The following SOX5 variants were observed in gnomAD, a reference collection of about 807,000 sequenced individuals.
SOX5 encodes the protein SRY-box transcription factor 5, also known as transcription factor SOX-5.
A neutral mutation model predicts 92.0 loss-of-function variants in SOX5; 9 were observed. That is an observed-to-expected ratio of 0.10 (90% confidence interval 0.06 to 0.17). SOX5 has a LOEUF of 0.17. Ranked by LOEUF, SOX5 falls within the 10% of genes least tolerant of loss-of-function variation. SOX5 has a pLI of 1.00. For synonymous variants in SOX5, 344 were observed against 336.3 expected, an observed-to-expected ratio of 1.02 and a Z score of -0.25; for missense variants, 642 against 944.5, an observed-to-expected ratio of 0.68 and a Z score of 4.20.
chr12:23,606,117 T>C (rs902429563), intron 8 of SOX5, among the ~76,000 whole-genome samples: 3 of 151,992 alleles, frequency 2.0e-5, no homozygotes, highest in Non-Finnish European at 4.4e-5. Flanking sequence ...TAAAAATCTA[T>C]GCATTATATA....
intron 4 of SOX5, among the ~76,000 whole-genome samples, chr12:23,993,373 T>C (rs1258545352): frequency 6.6e-6 from 1 of 152,208 alleles, no homozygotes; most frequent in Non-Finnish European, 1.5e-5. Flanking sequence ...CATTTTGGTA[T>C]ATACCTTTCA....
At chr12:24,107,424 T>C (rs1396592793) in intron 4 of SOX5, among the ~76,000 whole-genome samples, 3 of 152,208 alleles carry the variant, frequency 2.0e-5, no homozygotes, top group African/African-American at 7.2e-5. Flanking sequence ...ATTTGTTTCA[T>C]TCAAAAAAGT....
chr12:24,400,162 G>A (rs1961168025), intron 1 of SOX5, among the ~76,000 whole-genome samples: 1 of 152,206 alleles, frequency 6.6e-6, no homozygotes, highest in African/African-American at 2.4e-5. Context: ...TAAGACTTTA[G>A]AGGAAAAATT....
intron 9 of SOX5, among the ~76,000 whole-genome samples, chr12:23,588,515 T>C (rs1055908303): frequency 2.6e-5 from 4 of 151,994 alleles, no homozygotes; most frequent in African/African-American, 9.7e-5. Context: ...ATAATAAATT[T>C]ACAGTCTGAA....
intron 1 of SOX5, among the ~76,000 whole-genome samples, chr12:23,913,076 G>A (rs1389870752): frequency 2.6e-5 from 4 of 152,172 alleles, no homozygotes; most frequent in Non-Finnish European, 5.9e-5. Context: ...AACTAGCTCA[G>A]AGATATTACC....
chr12:24,526,812 A>G (rs1462281074), intron 1 of SOX5, among the ~76,000 whole-genome samples: 4 of 151,932 alleles, frequency 2.6e-5, no homozygotes, highest in African/African-American at 9.7e-5. Context: ...TTATGAAATT[A>G]TCATATTTCT....
chr12:24,372,864 T>C (rs1313094419), intron 1 of SOX5, among the ~76,000 whole-genome samples: 1 of 149,198 alleles, frequency 6.7e-6, no homozygotes, highest in Non-Finnish European at 1.5e-5. Flanking sequence ...ACGTCTGTAA[T>C]CCCAGTACTT....
chr12:23,950,976 TGC>T (rs2139847618), upstream of SOX5: 3 of 767,860 alleles, frequency 3.9e-6, no homozygotes, highest in Non-Finnish European at 6.2e-6. Context: ...CACACACGCA[TGC>T]ACACACACAC....
intron 3 of SOX5, among the ~76,000 whole-genome samples, chr12:24,257,815 T>G (rs963447127): frequency 2.0e-5 from 3 of 152,052 alleles, no homozygotes; most frequent in Non-Finnish European, 4.4e-5. Flanking sequence ...CACAGAAGGA[T>G]CCAGTTGATG....
chr12:24,414,052 T>C (rs1964585253), intron 1 of SOX5, among the ~76,000 whole-genome samples: 1 of 152,184 alleles, frequency 6.6e-6, no homozygotes, highest in African/African-American at 2.4e-5. Flanking sequence ...TCTTCTATGA[T>C]CCAAACTGAA....
chr12:23,717,522 A>G (rs1352127270), intron 6 of SOX5, among the ~76,000 whole-genome samples: 1 of 152,194 alleles, frequency 6.6e-6, no homozygotes, highest in Non-Finnish European at 1.5e-5. Context: ...AGCATTTCTC[A>G]CCATCATGTT....
intron 1 of SOX5, among the ~76,000 whole-genome samples, chr12:24,490,390 T>C (rs1021859273): frequency 1.3e-5 from 2 of 152,178 alleles, no homozygotes; most frequent in African/African-American, 4.8e-5. Flanking sequence ...ATAGATTGCT[T>C]TTATAGTACT....
chr12:24,152,939 A>G (rs934360444), intron 4 of SOX5, among the ~76,000 whole-genome samples: 39 of 152,128 alleles, frequency 2.6e-4, no homozygotes, highest in Non-Finnish European at 2.9e-5. Flanking sequence ...TATTACAAAA[A>G]CATTCTTGAT....
intron 1 of SOX5, among the ~76,000 whole-genome samples, chr12:24,510,748 T>G (rs1181439715): frequency 6.6e-6 from 1 of 152,160 alleles, no homozygotes; most frequent in African/African-American, 2.4e-5. Context: ...ATAGGAGATC[T>G]GAAGAGAGGG....
chr12:23,879,952 C>T (rs1568574758), intron 2 of SOX5, among the ~76,000 whole-genome samples: 3 of 152,174 alleles, frequency 2.0e-5, no homozygotes, highest in South Asian at 2.1e-4. Context: ...TAAAAAGTCT[C>T]CAAGGCAAGC....
At chr12:24,179,505 A>ATG (rs1955227593) in intron 4 of SOX5, among the ~76,000 whole-genome samples, 1 of 152,226 alleles carries the variant, frequency 6.6e-6, no homozygotes, top group African/African-American at 2.4e-5. Flanking sequence ...ATGAGGGTAA[A>ATG]CAACTAAGAC....
chr12:23,960,490 T>C (rs1477342389), intron 4 of SOX5, among the ~76,000 whole-genome samples: 1 of 139,338 alleles, frequency 7.2e-6, no homozygotes, highest in East Asian at 2.1e-4. Context: ...TTTATATATA[T>C]TTATATACAT....
intron 6 of SOX5, among the ~76,000 whole-genome samples, chr12:23,688,313 A>G (rs947559073): frequency 1.3e-5 from 2 of 152,110 alleles, no homozygotes; most frequent in Admixed American, 1.3e-4. Context: ...ACTACACTGT[A>G]TTATTAAATA....
intron 4 of SOX5, among the ~76,000 whole-genome samples, chr12:24,018,857 G>A (rs553892465): frequency 1.3e-5 from 2 of 152,206 alleles, no homozygotes; most frequent in South Asian, 4.2e-4. Context: ...GAGGTTCCCT[G>A]ACTCCCAGTT....
Sources: allele counts gnomAD v4.1 joint callset (sites outside exome capture counted in the v4.1 genomes callset), GRCh38; gene constraint gnomAD v4.1.1; transcripts MANE v1.5; gene names NCBI Gene and HGNC (gene_info 2026-07-23, HGNC 2026-07-21).